The following NOX4 variants were observed in gnomAD, a reference collection of about 807,000 sequenced individuals.
NOX4 encodes the protein NADPH oxidase 4, also known as kidney oxidase-1.
Under a neutral mutation model 87.6 loss-of-function variants are expected in NOX4, and 69 were observed. That is an observed-to-expected ratio of 0.79 (90% CI 0.65 to 0.96). The LOEUF (loss-of-function observed/expected upper bound fraction) is 0.96. Among genes scored for constraint, NOX4 ranks in the 40% least tolerant of loss-of-function variants. NOX4 has a pLI of 0.00. For synonymous variants in NOX4, 275 were observed against 238.2 expected, an observed-to-expected ratio of 1.15 and a Z score of -1.42; for missense variants, 680 against 681.5, an observed-to-expected ratio of 1.00 and a Z score of 0.02.
upstream of NOX4, among the ~76,000 whole-genome samples, chr11:89,495,071 T>A (rs1946934209): frequency 6.6e-6 from 1 of 152,358 alleles, no homozygotes; most frequent in Non-Finnish European, 1.5e-5. Flanking sequence ...GCCTCCAGTG[T>A]AGCTGGGACT....
At chr11:89,544,568 A>G in the NOX4 span, among the ~76,000 whole-genome samples, 1 of 151,980 alleles carries the variant, frequency 6.6e-6, no homozygotes, top group Non-Finnish European at 1.5e-5. Context: ...CAATAATAAC[A>G]TAGTCTAGAT....
Position 89,337,510 on chromosome 11 carries a change from C to A in NOX4, c.1452G>T (p.Trp484Cys), listed in dbSNP as rs780206802. ...TGACATAGTCAGGTCTGTTCTCTTG[C>A]CAAAACTGAGAGGACAGAAAAAGGA... ...DLLCMLHNKF[W>C]QENRPDYVNI... The change falls in exon 16 of 18, where the codon TGG (tryptophan) becomes TGT (cysteine). Residue 484 changes from tryptophan to cysteine, a missense_variant. By Grantham distance (215) the Trp-to-Cys change is radical. Transcript: ENST00000263317. The A allele has an allele frequency of 4.3e-6, 7 of 1,611,358 alleles. No homozygotes were observed. The South Asian group carries it at 6.6e-5, about 15-fold the overall frequency.
intron 5 of NOX4, among the ~76,000 whole-genome samples, chr11:89,442,275 G>A (rs1248382798): frequency 6.6e-6 from 1 of 151,800 alleles, no homozygotes; most frequent in African/African-American, 2.4e-5. Flanking sequence ...ATGAGTTGTA[G>A]AAATAGGCAT....
At chr11:89,486,565 T>A (rs1362020913) in intron 2 of NOX4, among the ~76,000 whole-genome samples, 2 of 143,262 alleles carry the variant, frequency 1.4e-5, no homozygotes, top group South Asian at 4.3e-4. Flanking sequence ...TATGTGTATA[T>A]ATACATATAT....
intron 5 of NOX4, chr11:89,443,644 A>G (rs1944554808): frequency 6.5e-6 from 1 of 153,536 alleles, no homozygotes. Context: ...AATTGAATTC[A>G]ACATCACTTA....
chr11:89,390,577 T>C (rs1941053899), intron 11 of NOX4, among the ~76,000 whole-genome samples: 1 of 152,192 alleles, frequency 6.6e-6, no homozygotes, highest in African/African-American at 2.4e-5. Context: ...ATGCAAAACC[T>C]AACCTTGTAG....
chr11:89,466,185 G>C (rs1945685714), intron 2 of NOX4, among the ~76,000 whole-genome samples: 1 of 152,080 alleles, frequency 6.6e-6, no homozygotes, highest in African/African-American at 2.4e-5. Context: ...ATGATATTTA[G>C]TTATACCAGC....
rs1349433382 is a variant in NOX4 at position 89,324,571 on chromosome 11, G to C, written c.*2185C>G. On this transcript the variant is annotated 3_prime_UTR_variant, in exon 18 of 18. Transcript: ENST00000263317. ...GAGGCTCATCTAGAATGGCAGACCA[G>C]CTTTGAAACATCATCTTTCTTTTGA... 1 of 152,084 alleles carries C rather than the reference G, an allele frequency of 6.6e-6. No individual in the cohort carries two copies. The highest frequency in any genetic ancestry group is 2.4e-5 in the African/African-American group (1 of 41,410). The allele number at this position is 152,084 out of a possible 1,614,324, so 9.4% of individuals were successfully genotyped here. A position where few individuals can be genotyped will look rare whatever the true frequency, so the allele number is the denominator to read the frequency against.
At chr11:89,509,746 A>G in the NOX4 span, among the ~76,000 whole-genome samples, 1 of 152,042 alleles carries the variant, frequency 6.6e-6, no homozygotes, top group African/African-American at 2.4e-5. Flanking sequence ...AGATTTAGCA[A>G]GGTGCAATGA....
chr11:89,443,156 T>C (rs1409933047), intron 5 of NOX4, among the ~76,000 whole-genome samples: 1 of 152,184 alleles, frequency 6.6e-6, no homozygotes, highest in Non-Finnish European at 1.5e-5. Context: ...GTTGGTATTT[T>C]TTAAAATACC....
chr11:89,436,801 G>C (rs1944102330), intron 6 of NOX4, among the ~76,000 whole-genome samples: 2 of 151,982 alleles, frequency 1.3e-5, no homozygotes, highest in African/African-American at 4.8e-5. Flanking sequence ...GAGATATATA[G>C]TAAGCATTTT....
upstream of NOX4, among the ~76,000 whole-genome samples, chr11:89,494,184 C>G (rs1946922585): frequency 1.3e-5 from 2 of 152,124 alleles, no homozygotes; most frequent in Admixed American, 6.6e-5. Context: ...ACACTTTCTC[C>G]AGGAACAGAC....
At chr11:89,483,233 G>C (rs1591363271) in intron 2 of NOX4, among the ~76,000 whole-genome samples, 1 of 152,136 alleles carries the variant, frequency 6.6e-6, no homozygotes, top group East Asian at 1.9e-4. Flanking sequence ...TTGCTATTAG[G>C]TTGAGCCATA....
chr11:89,454,297 C>T (rs959268056), intron 2 of NOX4, among the ~76,000 whole-genome samples: 2 of 152,022 alleles, frequency 1.3e-5, no homozygotes, highest in African/African-American at 4.8e-5. Context: ...TTATCAATCA[C>T]TTTTGAATAT....
At chr11:89,465,771 A>G (rs1945663883) in intron 2 of NOX4, among the ~76,000 whole-genome samples, 1 of 151,510 alleles carries the variant, frequency 6.6e-6, no homozygotes, top group African/African-American at 2.4e-5. Context: ...GGCTGCATAA[A>G]TGTCTTCTTT....
In NOX4 at chr11:89,324,540, A is replaced by G. The variant is rs1490496935; in HGVS notation, c.*2216T>C. The G allele has an allele frequency of 1.3e-5, 2 of 152,228 alleles. No homozygotes were observed. The highest frequency in any genetic ancestry group is 2.9e-5 in the Non-Finnish European group (2 of 68,030). The allele number at this position is 152,228 out of a possible 1,614,324, so 9.4% of individuals were successfully genotyped here. A position where few individuals can be genotyped will look rare whatever the true frequency, so the allele number is the denominator to read the frequency against. On this transcript the variant is annotated 3_prime_UTR_variant, in exon 18 of 18. Coordinates refer to ENST00000263317, the MANE Select transcript of NOX4 (RefSeq NM_016931.5). ...TTGAACACCTACTGGAACTTAAATAAGCAAGGAGGCTCATCTAGAATGGCA... is the reference window on the plus strand; with the variant it reads ...TTGAACACCTACTGGAACTTAAATAGGCAAGGAGGCTCATCTAGAATGGCA...
At position 89,342,100 on chromosome 11, in the gene NOX4, T is replaced by C. The variant is rs1389288077; in HGVS notation, c.1311A>G (p.Pro437=). Residue 437 remains proline (P), a synonymous_variant, in exon 14 of 18, where the codon CCA becomes CCG. Coordinates refer to ENST00000263317, the MANE Select transcript of NOX4 (RefSeq NM_016931.5). ...LCVAGGIGVT[P]FASILNTLLD... ...ACAGGGTGTTGAGTATTGATGCAAATGGAGTTACTCCAATGCCTCCAGCCA... is the reference window on the plus strand; with the variant it reads ...ACAGGGTGTTGAGTATTGATGCAAACGGAGTTACTCCAATGCCTCCAGCCA... The C allele has an allele frequency of 6.2e-7, 1 of 1,613,368 alleles. No homozygotes were observed.
chr11:89,526,643 C>T, the NOX4 span, among the ~76,000 whole-genome samples: 214 of 152,210 alleles, frequency 1.4e-3, 1 homozygote, highest in African/African-American at 4.5e-3. Flanking sequence ...TGAGAGCTGA[C>T]GGTTTTTTAA....
intron 13 of NOX4, among the ~76,000 whole-genome samples, chr11:89,342,972 A>G (rs949069728): frequency 1.3e-5 from 2 of 152,174 alleles, no homozygotes; most frequent in African/African-American, 2.4e-5. Context: ...CCAAAATACT[A>G]CATTTCTCAG....
Sources: allele counts gnomAD v4.1 joint callset (sites outside exome capture counted in the v4.1 genomes callset), GRCh38; gene constraint gnomAD v4.1.1; transcripts MANE v1.5; gene names NCBI Gene and HGNC (gene_info 2026-07-23, HGNC 2026-07-21).